RAPGEF6: variants seen among roughly 807,000 people sequenced by gnomAD.
RAPGEF6 encodes the protein Rap guanine nucleotide exchange factor 6.
RAPGEF6 carries 56 observed loss-of-function variants against 171.4 expected under a neutral mutation model. The observed-to-expected ratio is 0.33, with a 90% CI of 0.26 to 0.41. The LOEUF (loss-of-function observed/expected upper bound fraction) is 0.41. RAPGEF6 is among the 10% of genes least tolerant of loss of function. RAPGEF6 has a pLI of 1.00. For missense variants in RAPGEF6, 1,674 were observed against 1,921.4 expected, an observed-to-expected ratio of 0.87 and a Z score of 2.41; for synonymous variants, 692 against 650.1, an observed-to-expected ratio of 1.06 and a Z score of -0.98.
At chr5:131,455,763 A>G in intron 20 of RAPGEF6, 38 bp downstream of exon 20, 1 of 1,547,220 alleles carries the variant, frequency 6.5e-7, no homozygotes, top group Non-Finnish European at 8.9e-7. Context: ...CTTTAGATAA[A>G]CCATGTGGTA....
Position 131,547,049 on chromosome 5 carries a change from T to C in RAPGEF6, c.495+998A>G, listed in dbSNP as rs577212615. Among the ~76,000 whole-genome samples, 134 of 152,340 alleles carry C rather than the reference T, an allele frequency of 8.8e-4. 1 individual carries two copies. The highest frequency in any genetic ancestry group is 1.5e-3 in the Non-Finnish European group (99 of 68,026). ...AGTGAGAACAGGAAATAAACCTTGT[T>C]GTGGCTCTGGATATGATAAATTTTA... is the stretch of plus-strand genomic sequence containing the variant. On this transcript the variant is annotated intron_variant, in intron 6 of 27. Transcript: ENST00000509018.
At chr5:131,510,261 T>A in intron 8 of RAPGEF6, 53 bp downstream of exon 8, 7 of 1,473,732 alleles carry the variant, frequency 4.7e-6, no homozygotes, top group Non-Finnish European at 6.5e-6. Flanking sequence ...CAGAAATAGG[T>A]AACCATATAA....
intron 21 of RAPGEF6, among the ~76,000 whole-genome samples, chr5:131,451,202 A>G (rs891950061): frequency 2.6e-5 from 4 of 152,174 alleles, no homozygotes; most frequent in African/African-American, 9.7e-5. Context: ...GATGTGCAGG[A>G]AAGAGGAGAT....
At chr5:131,627,414 T>G (rs1309548591) in intron 1 of RAPGEF6, among the ~76,000 whole-genome samples, 2 of 152,250 alleles carry the variant, frequency 1.3e-5, no homozygotes, top group Non-Finnish European at 2.9e-5. Flanking sequence ...CTTTTTAACA[T>G]ATGATGACTT....
chr5:131,553,376 T>A (rs1467876886), intron 5 of RAPGEF6, among the ~76,000 whole-genome samples: 1 of 151,976 alleles, frequency 6.6e-6, no homozygotes, highest in African/African-American at 2.4e-5. Context: ...ATGCCCAACA[T>A]TAAATCCAAA....
chr5:131,486,433 T>C (rs1332798807), intron 15 of RAPGEF6, among the ~76,000 whole-genome samples: 2 of 152,228 alleles, frequency 1.3e-5, no homozygotes, highest in African/African-American at 4.8e-5. Context: ...TTTTGTTTAA[T>C]ACATTTTCCT....
Position 131,472,677 on chromosome 5 carries a change from C to T in RAPGEF6, c.2149G>A (p.Ala717Thr), listed in dbSNP as rs1754831367. 1 of 1,612,606 alleles carries T rather than the reference C, an allele frequency of 6.2e-7. No individual in the cohort carries two copies. The highest frequency in any genetic ancestry group is 8.5e-7 in the Non-Finnish European group (1 of 1,178,602). ...VGTRHCRHSL[A>T]IMPIPGTLSS... is the part of the protein sequence containing the mutation. ...AGTGTTCCAGGGATGGGCATTATAG[C>T]CAGACTATGCCTACAGTGCCTTGTT... The change falls in exon 17 of 28, where the codon GCT becomes ACT. Residue 717 changes from alanine (A) to threonine (T), a missense_variant. Transcript: ENST00000509018.
At chr5:131,527,510 T>C (rs577883667) in intron 6 of RAPGEF6, among the ~76,000 whole-genome samples, 8 of 151,968 alleles carry the variant, frequency 5.3e-5, no homozygotes, top group African/African-American at 1.7e-4. Context: ...ATTTGAGGAG[T>C]AGCCACTTTG....
chr5:131,611,656 AG>A (rs1764940718), intron 1 of RAPGEF6, among the ~76,000 whole-genome samples: 1 of 152,226 alleles, frequency 6.6e-6, no homozygotes, highest in Non-Finnish European at 1.5e-5. Flanking sequence ...TGCGTGACAG[AG>A]TGAGATTCTT....
chr5:131,614,951 C>T (rs1001283706), intron 1 of RAPGEF6, among the ~76,000 whole-genome samples: 9 of 152,182 alleles, frequency 5.9e-5, no homozygotes, highest in African/African-American at 2.2e-4. Flanking sequence ...CCTGTGAGAT[C>T]CTGAACCAGC....
intron 15 of RAPGEF6, among the ~76,000 whole-genome samples, chr5:131,484,895 T>C (rs964817027): frequency 6.6e-6 from 1 of 152,222 alleles, no homozygotes; most frequent in African/African-American, 2.4e-5. Context: ...TTACTACTTT[T>C]ATTAAAACTT....
Position 131,597,566 on chromosome 5 carries a change from G to A in RAPGEF6, c.198-5100C>T, listed in dbSNP as rs1191648410. On this transcript the variant is annotated intron_variant, in intron 3 of 27. Transcript: ENST00000509018. ...CATTTGCAGCAATATGGATGGAACT[G>A]GAGGATATTATGTTAAGTGAAATAA... 2.0e-5 allele frequency among the ~76,000 whole-genome samples: 3 copies of A among 152,254 alleles called. No individual in the cohort carries two copies. The East Asian group carries it at 5.8e-4, about 29-fold the overall frequency.
chr5:131,443,935 T>G (rs1418602615), intron 22 of RAPGEF6, among the ~76,000 whole-genome samples: 2 of 152,322 alleles, frequency 1.3e-5, no homozygotes, highest in South Asian at 4.1e-4. Context: ...TTTCTGAATA[T>G]GAATGTGAGA....
chr5:131,439,165 C>T (rs1752219438), intron 24 of RAPGEF6, among the ~76,000 whole-genome samples: 1 of 152,150 alleles, frequency 6.6e-6, no homozygotes, highest in African/African-American at 2.4e-5. Flanking sequence ...GATCCACCCG[C>T]CTCAGCTTCC....
intron 1 of RAPGEF6, among the ~76,000 whole-genome samples, chr5:131,622,225 TCTTAA>T (rs1428011555): frequency 2.0e-5 from 3 of 152,180 alleles, no homozygotes; most frequent in African/African-American, 4.8e-5. Context: ...TAGTTTGGCT[TCTTAA>T]CTTGAGAAAA....
chr5:131,437,587 A>G lies in RAPGEF6; in HGVS notation c.3745+1994T>C, dbSNP rs575543942. On this transcript the variant is annotated intron_variant, in intron 24 of 27. Transcript: ENST00000509018. ...GCGCATTGGATAGGACCATACAGACAAGGAAAGTGATGACATAGGTCTGTG... is the reference window on the plus strand; with the variant it reads ...GCGCATTGGATAGGACCATACAGACGAGGAAAGTGATGACATAGGTCTGTG... 3.3e-5 allele frequency among the ~76,000 whole-genome samples: 5 copies of G among 152,374 alleles called. No individual in the cohort carries two copies. In the East Asian group the frequency reaches 9.6e-4, roughly 29 times the overall value.
intron 8 of RAPGEF6, 118 bp downstream of exon 8, chr5:131,510,196 A>T: frequency 8.9e-7 from 1 of 1,121,472 alleles, no homozygotes; most frequent in Non-Finnish European, 1.2e-6. Flanking sequence ...CAAAAACTCT[A>T]AGATAATGGC....
In RAPGEF6 at chr5:131,493,990, A is replaced by G. The variant is rs187058864; in HGVS notation, c.1528-1205T>C. On this transcript the variant is annotated intron_variant, in intron 13 of 27. Coordinates refer to ENST00000509018, the MANE Select transcript of RAPGEF6 (RefSeq NM_016340.6). Reference sequence around the variant, plus strand: ...AACCAAGGGGTAATGAAAGGGACCAAATTTGCCAATTTTTCCCACTTCATT... The same window carrying G: ...AACCAAGGGGTAATGAAAGGGACCAGATTTGCCAATTTTTCCCACTTCATT... Among the ~76,000 whole-genome samples, 796 of 152,294 alleles carry G rather than the reference A, an allele frequency of 5.2e-3. 5 individuals carry two copies. The highest frequency in any genetic ancestry group is 0.018 in the African/African-American group (757 of 41,560).
chr5:131,605,066 C>T (rs1019652521), intron 1 of RAPGEF6, among the ~76,000 whole-genome samples: 9 of 152,090 alleles, frequency 5.9e-5, no homozygotes, highest in African/African-American at 2.2e-4. Context: ...AGAGATGACC[C>T]AGTTTATCAA....
Sources: gnomAD v4.1 joint callset for allele counts (sites outside exome capture counted in the v4.1 genomes callset) on GRCh38, gnomAD v4.1.1 for gene constraint, MANE v1.5 for transcripts, NCBI Gene and HGNC (gene_info 2026-07-23, HGNC 2026-07-21) for gene names.